Variants in SPATA19 observed in about 807,000 individuals in gnomAD.
SPATA19 encodes the protein spermatogenesis-associated protein 19, mitochondrial.
SPATA19 carries 19 observed loss-of-function variants against 25.0 expected under a neutral mutation model. That is an observed-to-expected ratio of 0.76 (90% CI 0.53 to 1.11). SPATA19 has a LOEUF of 1.11. Ranked by LOEUF, SPATA19 falls within the 50% of genes most tolerant of loss-of-function variation. SPATA19 has a pLI of 0.00. For missense variants in SPATA19, 222 were observed against 211.4 expected (o/e 1.05, Z -0.31); for synonymous variants, 64 against 69.3 (o/e 0.92, Z 0.38).
At chr11:133,844,131 A>T in intron 4 of SPATA19, 115 bp downstream of exon 4, 3 of 838,716 alleles carry the variant, frequency 3.6e-6, no homozygotes, top group Non-Finnish European at 2.0e-6. Context: ...AAGGCTGAGG[A>T]ATTTGTCAGC....
At chr11:133,838,266 G>A (rs980702113), downstream of SPATA19, among the ~76,000 whole-genome samples, 17 of 152,088 alleles carry the variant, frequency 1.1e-4, no homozygotes, top group African/African-American at 4.1e-4. Context: ...TGTAAACAGA[G>A]AGATGGAAAC....
chr11:133,844,318 T>G lies in SPATA19; in HGVS notation c.287A>C (p.Lys96Thr). The part of the protein sequence containing the change: ...TRDVVKHHLS[K>T]SDLLANQSQE... The stretch of plus-strand genomic sequence containing the variant: ...GCTCTGGTTTGCCAACAAATCAGAC[T>G]TAGAGAGGTGGTGCTTCACCTGGGA... The change falls in exon 4 of 7, where the codon AAG becomes ACG. Residue 96 changes from lysine to threonine, a missense_variant. By Grantham distance (78) the Lys-to-Thr change is moderately conservative (BLOSUM62 -1). Transcript: ENST00000299140. The G allele has an allele frequency of 1.9e-6, 3 of 1,614,134 alleles. No individual in the cohort carries two copies. Among genetic ancestry groups the G allele is most frequent in the South Asian group, 2.2e-5 (2 of 91,084 alleles).
chr11:133,845,048 G>T (rs1938390649), intron 2 of SPATA19, 86 bp downstream of exon 2: 1 of 1,160,732 alleles, frequency 8.6e-7, no homozygotes, highest in Non-Finnish European at 1.3e-6. Context: ...CCAGTTCCAT[G>T]AAGAAGGAAG....
chr11:133,837,747 C>A (rs945701744), downstream of SPATA19, among the ~76,000 whole-genome samples: 1 of 152,146 alleles, frequency 6.6e-6, no homozygotes, highest in African/African-American at 2.4e-5. Context: ...ACTAATCTTG[C>A]AAATATAGAA....
downstream of SPATA19, among the ~76,000 whole-genome samples, chr11:133,839,542 A>AG (rs1032100424): frequency 9.5e-6 from 1 of 105,378 alleles, no homozygotes; most frequent in African/African-American, 3.7e-5. Flanking sequence ...GGGGTAGGGG[A>AG]GGGGGGAGGG....
At chr11:133,844,009 C>T (rs1938365568) in intron 4 of SPATA19, among the ~76,000 whole-genome samples, 1 of 152,318 alleles carries the variant, frequency 6.6e-6, no homozygotes, top group Admixed American at 6.5e-5. Context: ...TATTCAGAAG[C>T]ATTTAAGAAA....
downstream of SPATA19, among the ~76,000 whole-genome samples, chr11:133,840,149 T>G (rs1307354141): frequency 6.6e-6 from 1 of 152,066 alleles, no homozygotes; most frequent in Non-Finnish European, 1.5e-5. Flanking sequence ...AGTAAAATAT[T>G]TAAGTGTTGA....
intron 2 of SPATA19, 46 bp downstream of exon 2, chr11:133,845,088 T>A (rs1254510062): frequency 6.4e-7 from 1 of 1,558,070 alleles, no homozygotes; most frequent in South Asian, 1.1e-5. Flanking sequence ...TGAGACCACT[T>A]CTCTAGCATT....
chr11:133,838,676 A>G (rs1235522313), downstream of SPATA19, among the ~76,000 whole-genome samples: 4 of 152,234 alleles, frequency 2.6e-5, no homozygotes, highest in Non-Finnish European at 5.9e-5. Flanking sequence ...CAAAATTGAC[A>G]AATGGGATCT....
intron 2 of SPATA19, 146 bp from the exon 3 acceptor site, chr11:133,844,786 A>G (rs2121188350): frequency 1.0e-6 from 1 of 984,554 alleles, no homozygotes; most frequent in Non-Finnish European, 1.5e-6. Context: ...CACTGTTCCC[A>G]CAATAAGCTA....
At chr11:133,844,722 C>A in intron 2 of SPATA19, 82 bp from the exon 3 acceptor site, 2 of 1,463,164 alleles carry the variant, frequency 1.4e-6, no homozygotes, top group Non-Finnish European at 1.8e-6. Flanking sequence ...TCCTTTTATT[C>A]ATTCTCCATC....
intron 4 of SPATA19, among the ~76,000 whole-genome samples, chr11:133,843,336 C>T (rs185773501): frequency 2.0e-5 from 3 of 152,218 alleles, no homozygotes; most frequent in Non-Finnish European, 2.9e-5. Flanking sequence ...TAATCAACAA[C>T]ATTTATGATT....
Position 133,844,282 on chromosome 11 carries a change from A to T in SPATA19, c.323T>A (p.Leu108Gln). 1.2e-6 allele frequency: 2 copies of T among 1,614,130 alleles called. No homozygotes were observed. Among genetic ancestry groups the T allele is most frequent in the Middle Eastern group, 1.6e-4 (1 of 6,062 alleles). ...DLLANQSQEV[L>Q]EERTRIQFIR... ...GAACTGGATTCGTGTTCTCTCCTCTAGGACCTCTTGGCTCTGGTTTGCCAA... is the reference window on the plus strand; with the variant it reads ...GAACTGGATTCGTGTTCTCTCCTCTTGGACCTCTTGGCTCTGGTTTGCCAA... Residue 108 changes from leucine to glutamine, a missense_variant, in exon 4 of 7, where the codon CTA (leucine) becomes CAA (glutamine). Transcript: ENST00000299140.
rs779926857 is a variant in SPATA19 at position 133,842,488 on chromosome 11, C to T, written c.434G>A (p.Arg145Gln). 4.3e-6 allele frequency: 7 copies of T among 1,613,348 alleles called. No homozygotes were observed. The highest frequency in any genetic ancestry group is 2.2e-5 in the East Asian group (1 of 44,890). ...IMRDRIEQVR[R>Q]SISRLTDVSA... ...CAAGCAGTTCCAAACAGCTTACCTT[C>T]GTCTCACCTGCTCTATTCGATCTCG... is the stretch of plus-strand genomic sequence containing the variant. Residue 145 changes from arginine (R) to glutamine (Q), a missense_variant, in exon 5 of 7, where the codon CGA becomes CAA. Physicochemically the swap from Arg to Gln is conservative, Grantham distance 43. Transcript: ENST00000299140.
rs931796890 is a variant in SPATA19 at position 133,842,620 on chromosome 11, A to G, written c.360-58T>C. 8.0e-5 allele frequency: 105 copies of G among 1,311,648 alleles called. 1 individual carries two copies. The South Asian group carries it at 1.1e-3, about 14-fold the overall frequency. 81.3% of individuals were successfully genotyped at this position (1,311,648 alleles called of 1,614,324 possible). A position where few individuals can be genotyped will look rare whatever the true frequency, so the allele number is the denominator to read the frequency against. On this transcript the variant is annotated intron_variant, in intron 4 of 6. Transcript: ENST00000299140. ...GATCTGAGTTTCTTTCTTAACAGGC[A>G]TAGAGAGCTGCTAGAGATGGGATCC...
downstream of SPATA19, among the ~76,000 whole-genome samples, chr11:133,839,457 C>T (rs895013362): frequency 3.3e-5 from 5 of 149,792 alleles, no homozygotes; most frequent in African/African-American, 1.2e-4. Context: ...CGCATGTCCT[C>T]ACTCATAGGT....
At chr11:133,837,433 T>C (rs569639508), downstream of SPATA19, among the ~76,000 whole-genome samples, 13 of 152,326 alleles carry the variant, frequency 8.5e-5, no homozygotes, top group East Asian at 1.7e-3. Context: ...GGCCCAGTCA[T>C]TGGGGGGATC....
chr11:133,841,556 G>A (rs1298580741), intron 6 of SPATA19, among the ~76,000 whole-genome samples: 2 of 152,052 alleles, frequency 1.3e-5, no homozygotes, highest in East Asian at 1.9e-4. Context: ...TGTGACCACC[G>A]GGCCAAGCAC....
chr11:133,845,243 T>TGGGCCCCCC, intron 1 of SPATA19, 53 bp from the exon 2 acceptor site: 1 of 1,555,066 alleles, frequency 6.4e-7, no homozygotes. Context: ...ATTCAGCTCT[T>TGGGCCCCCC]CCCACCCAGC....
Sources: allele counts gnomAD v4.1 joint callset (sites outside exome capture counted in the v4.1 genomes callset), GRCh38; gene constraint gnomAD v4.1.1; transcripts MANE v1.5; gene names NCBI Gene and HGNC (gene_info 2026-07-23, HGNC 2026-07-21).